GRAP: variants seen among roughly 807,000 people sequenced by gnomAD.
The protein encoded by GRAP is GRB2 related adaptor protein.
Under a neutral mutation model 9.1 loss-of-function variants are expected in GRAP, and 2 were observed. That is an observed-to-expected ratio of 0.22 (90% CI 0.09 to 0.69). The LOEUF is 0.69. Among genes scored for constraint, GRAP ranks in the 30% least tolerant of loss-of-function variants. The pLI is 0.81. For synonymous variants in GRAP, 68 were observed against 73.6 expected (o/e 0.92, Z 0.39); for missense variants, 113 against 179.4 (o/e 0.63, Z 2.12).
rs767524784 is a variant in GRAP at position 19,022,023 on chromosome 17, C to T, written c.590G>A (p.Arg197Gln). The T allele has an allele frequency of 1.3e-5, 21 of 1,599,176 alleles. No individual in the cohort carries two copies. Among genetic ancestry groups the T allele is most frequent in the South Asian group, 6.7e-5 (6 of 88,992 alleles). The change falls in exon 5 of 5, where the codon CGG becomes CAG. Residue 197 changes from arginine (R) to glutamine (Q), a missense_variant. Physicochemically the swap from Arg to Gln is conservative, Grantham distance 43. This residue lies in a region of GRAP where 113 missense variants were observed against 163.3 expected (regional missense o/e 0.69). Transcript: ENST00000284154. ...VLERPDPHWW[R>Q]GRSCGRVGFF... ...GCCAACGCGCCCGCAGGACCGGCCCCGCCACCAGTGGGGGTCTGGGCGCTC... is the reference window on the plus strand; with the variant it reads ...GCCAACGCGCCCGCAGGACCGGCCCTGCCACCAGTGGGGGTCTGGGCGCTC...
At chr17:19,030,269 G>GCA in intron 3 of GRAP, 2 of 425,146 alleles carry the variant, frequency 4.7e-6, no homozygotes, top group South Asian at 1.7e-5. Flanking sequence ...CAGCAGCAAA[G>GCA]GTAACAGTGT....
intron 3 of GRAP, among the ~76,000 whole-genome samples, chr17:19,027,482 G>GCGCGCGCGCACA (rs2044317459): frequency 8.6e-6 from 1 of 115,984 alleles, no homozygotes; most frequent in African/African-American, 3.6e-5. Flanking sequence ...GCGCGCGCGC[G>GCGCGCGCGCACA]CGCACACACA....
rs2044266973 is a variant in GRAP at position 19,021,701 on chromosome 17, T to A, written c.*258A>T. ...GGCGGGGCCTCCACAGACTCCGCCC[T>A]GTGGTGTCACACAGCTGGCAGCCAA... is the stretch of plus-strand genomic sequence containing the variant. On this transcript the variant is annotated 3_prime_UTR_variant, in exon 5 of 5. Transcript: ENST00000284154. This position sits in a 1 kb window ranked among gnomAD's most constrained non-coding sequence, Gnocchi z 4.1. 1 of 404,322 alleles carries A rather than the reference T, an allele frequency of 2.5e-6. No individual in the cohort carries two copies. Among genetic ancestry groups the A allele is most frequent in the Middle Eastern group, 6.2e-4 (1 of 1,610 alleles). The allele number at this position is 404,322 out of a possible 1,614,324, so 25.0% of individuals were successfully genotyped here.
At chr17:19,037,177 CA>C (rs1279577308) in intron 2 of GRAP, among the ~76,000 whole-genome samples, 1 of 368 alleles carries the variant, frequency 2.7e-3, no homozygotes, top group Non-Finnish European at 4.3e-3. Flanking sequence ...CCGCACCCGG[CA>C]AAAAAAAAAA....
chr17:19,051,318 T>TAGTG (rs1357044610), upstream of GRAP, among the ~76,000 whole-genome samples: 8 of 52,292 alleles, frequency 1.5e-4, no homozygotes, highest in African/African-American at 3.8e-4. Flanking sequence ...TTCAAGGTGA[T>TAGTG]AGTGAGCTAT....
At chr17:19,023,439 C>T (rs1024250705) in intron 4 of GRAP, among the ~76,000 whole-genome samples, 2 of 152,180 alleles carry the variant, frequency 1.3e-5, no homozygotes, top group African/African-American at 2.4e-5. Flanking sequence ...TCAAGTGTCC[C>T]AGGGTCTTGA....
At position 19,021,954 on chromosome 17, in the gene GRAP, G is replaced by T; in HGVS notation, c.*5C>A. ...GCCCGTTGGCCAGATCGGCCGCCGG[G>T]CTGCTCACAGGTGCACGGGCTGCAC... On this transcript the variant is annotated 3_prime_UTR_variant, in exon 5 of 5. Coordinates refer to ENST00000284154, the MANE Select transcript of GRAP (RefSeq NM_006613.4). This position sits in a 1 kb window ranked among gnomAD's most constrained non-coding sequence, Gnocchi z 4.1. 1 of 1,519,754 alleles carries T rather than the reference G, an allele frequency of 6.6e-7. No individual in the cohort carries two copies. Among genetic ancestry groups the T allele is most frequent in the Non-Finnish European group, 8.8e-7 (1 of 1,135,082 alleles). The allele number at this position is 1,519,754 out of a possible 1,614,324, so 94.1% of individuals were successfully genotyped here. A position where few individuals can be genotyped will look rare whatever the true frequency, so the allele number is the denominator to read the frequency against.
At chr17:19,032,174 T>TC (rs11422258) in intron 3 of GRAP, 8,877 of 147,298 alleles carry the variant, frequency 0.06, 29 homozygotes, top group African/African-American at 0.22. Context: ...ACCCCTCGCT[T>TC]CCCCACCTCT....
In GRAP at chr17:19,043,566, C is replaced by T. The variant is rs549571602; in HGVS notation, c.79-1662G>A. Among the ~76,000 whole-genome samples, 8 of 152,292 alleles carry T rather than the reference C, an allele frequency of 5.3e-5. No individual in the cohort carries two copies. The South Asian group carries it at 1.7e-3, about 32-fold the overall frequency. ...ATCACTTGAACCCGGGAGCTGGAGGCTGCAGTGAGCCGAGATCGCGCCATT... is the reference window on the plus strand; with the variant it reads ...ATCACTTGAACCCGGGAGCTGGAGGTTGCAGTGAGCCGAGATCGCGCCATT... On this transcript the variant is annotated intron_variant, in intron 1 of 4. Coordinates refer to ENST00000284154, the MANE Select transcript of GRAP (RefSeq NM_006613.4).
At chr17:19,027,463 G>A (rs1213490590) in intron 3 of GRAP, among the ~76,000 whole-genome samples, 1 of 127,060 alleles carries the variant, frequency 7.9e-6, no homozygotes, top group Non-Finnish European at 1.6e-5. Flanking sequence ...GCCTTGATGG[G>A]ACACATGCGC....
rs747053384 is a variant in GRAP, at chr17:19,024,250, G to C, written c.433C>G (p.Gln145Glu). The C allele has an allele frequency of 3.7e-6, 6 of 1,602,064 alleles. No homozygotes were observed. In the South Asian group the frequency reaches 5.6e-5, roughly 15 times the overall value. ...YRTTTIAKKR[Q>E]IFLRDEEPLL... Reference sequence around the variant, plus strand: ...GGCTCCTCGTCGCGCAGGAAGATCTGCCGCTTCTTGGCGATGGTGGTGGTG... The same window carrying C: ...GGCTCCTCGTCGCGCAGGAAGATCTCCCGCTTCTTGGCGATGGTGGTGGTG... The change falls in exon 4 of 5, where the codon CAG (glutamine) becomes GAG (glutamate). Residue 145 changes from glutamine (Q) to glutamate (E), a missense_variant. Gln to Glu is a conservative substitution (Grantham distance 29). This residue lies in a region of GRAP where 113 missense variants were observed against 163.3 expected (regional missense o/e 0.69). Coordinates refer to ENST00000284154, the MANE Select transcript of GRAP (RefSeq NM_006613.4). This position sits in a 1 kb window ranked among gnomAD's most constrained non-coding sequence, Gnocchi z 4.2.
Position 19,024,132 on chromosome 17 carries a change from G to A in GRAP, c.468+83C>T. 1 of 1,346,108 alleles carries A rather than the reference G, an allele frequency of 7.4e-7. No homozygotes were observed. The highest frequency in any genetic ancestry group is 1.3e-5 in the South Asian group (1 of 75,896). 83.4% of individuals were successfully genotyped at this position (1,346,108 alleles called of 1,614,324 possible). On this transcript the variant is annotated intron_variant, in intron 4 of 4. Transcript: ENST00000284154. The surrounding 1 kb of genome is among the most constrained non-coding windows in gnomAD (Gnocchi z 4.2). ...GGGAAGTGAGACCAGGCCCGTGCTT[G>A]GCCTCAGTGTCAGCATCTCCCCTGC... is the stretch of plus-strand genomic sequence containing the variant.
intron 4 of GRAP, 53 bp from the exon 5 acceptor site, chr17:19,022,197 C>T: frequency 9.3e-7 from 1 of 1,076,960 alleles, no homozygotes; most frequent in African/African-American, 1.7e-5. Context: ...CTGCAACCCA[C>T]CCTCCCTCAG....
chr17:19,024,253 G>C lies in GRAP; in HGVS notation c.430C>G (p.Arg144Gly), dbSNP rs1377276908. ...FYRTTTIAKK[R>G]QIFLRDEEPL... ...TCCTCGTCGCGCAGGAAGATCTGCC[G>C]CTTCTTGGCGATGGTGGTGGTGCGG... The change falls in exon 4 of 5, where the codon CGG becomes GGG. Residue 144 changes from arginine (R) to glycine (G), a missense_variant. Around this residue, in one of 2 missense-constraint regions of GRAP, gnomAD observed 113 missense variants for 163.3 expected, o/e 0.69. Coordinates refer to ENST00000284154, the MANE Select transcript of GRAP (RefSeq NM_006613.4). This position sits in a 1 kb window ranked among gnomAD's most constrained non-coding sequence, Gnocchi z 4.2. The C allele has an allele frequency of 6.2e-7, 1 of 1,602,884 alleles. No individual in the cohort carries two copies.
intron 4 of GRAP, among the ~76,000 whole-genome samples, chr17:19,023,629 C>T (rs1372768195): frequency 2.2e-5 from 3 of 137,184 alleles, no homozygotes; most frequent in Non-Finnish European, 3.2e-5. Context: ...TGGATGACCC[C>T]GACCCCCCAC....
At chr17:19,048,099 C>T (rs2044382983), upstream of GRAP, among the ~76,000 whole-genome samples, 1 of 100,962 alleles carries the variant, frequency 9.9e-6, no homozygotes, top group Admixed American at 1.1e-4. Flanking sequence ...CTCAAGCGAT[C>T]CTCCTGCCTG....
In GRAP at chr17:19,022,134, GC is replaced by G. The variant is rs751738129; in HGVS notation, c.478del (p.Ala160ProfsTer103). ...DEEPLLKSPG[A>X]CFAQAQFDFS... ...GTCAAACTGGGCCTGGGCAAAGCAGGCCCCAGGTGACTGCAAGAAGAGGAGG... is the reference window on the plus strand; with the variant it reads ...GTCAAACTGGGCCTGGGCAAAGCAGGCCCAGGTGACTGCAAGAAGAGGAGG... On this transcript the variant is annotated frameshift_variant, in exon 5 of 5. Transcript: ENST00000284154. LOFTEE classifies it low-confidence loss of function (END_TRUNC). 8 of 1,496,198 alleles carry G rather than the reference GC, an allele frequency of 5.3e-6. No homozygotes were observed. In the South Asian group the frequency reaches 6.6e-5, roughly 12 times the overall value. The allele number at this position is 1,496,198 out of a possible 1,614,324, so 92.7% of individuals were successfully genotyped here. A position where few individuals can be genotyped will look rare whatever the true frequency, so the allele number is the denominator to read the frequency against.
At position 19,044,056 on chromosome 17, in the gene GRAP, C is replaced by CTGAGGATTCAGGCTGAG. The variant is rs1211893518; in HGVS notation, c.79-2153_79-2152insCTCAGCCTGAATCCTCA. ...GCAACCTCTGCCTCCTGGGTTCAAG[C>CTGAGGATTCAGGCTGAG]GATTCTCCTGCCTCAGCCTCCCGAG... On this transcript the variant is annotated intron_variant, in intron 1 of 4. Coordinates refer to ENST00000284154, the MANE Select transcript of GRAP (RefSeq NM_006613.4). Among the ~76,000 whole-genome samples, 3 of 66,808 alleles carry CTGAGGATTCAGGCTGAG rather than the reference C, an allele frequency of 4.5e-5. 1 individual carries two copies. Among genetic ancestry groups the CTGAGGATTCAGGCTGAG allele is most frequent in the Admixed American group, 3.3e-4 (2 of 6,060 alleles). The allele number at this position is 66,808 out of a possible 152,430, so 43.8% of individuals were successfully genotyped here.
At position 19,021,897 on chromosome 17, in the gene GRAP, T is replaced by C. The variant is rs1390975823; in HGVS notation, c.*62A>G. On this transcript the variant is annotated 3_prime_UTR_variant, in exon 5 of 5. Coordinates refer to ENST00000284154, the MANE Select transcript of GRAP (RefSeq NM_006613.4). This position sits in a 1 kb window ranked among gnomAD's most constrained non-coding sequence, Gnocchi z 4.1. ...ACTCTGACAGAGCTGGGGGTGTCCATGTCCTCTCTGGACCTCAGTTCCTGT... is the reference window on the plus strand; with the variant it reads ...ACTCTGACAGAGCTGGGGGTGTCCACGTCCTCTCTGGACCTCAGTTCCTGT... 3.5e-6 allele frequency: 5 copies of C among 1,422,610 alleles called. No individual in the cohort carries two copies. In the Admixed American group the frequency reaches 8.9e-5, roughly 25 times the overall value. The allele number at this position is 1,422,610 out of a possible 1,614,324, so 88.1% of individuals were successfully genotyped here. A position where few individuals can be genotyped will look rare whatever the true frequency, so the allele number is the denominator to read the frequency against.
Sources: gnomAD v4.1 joint callset for allele counts (sites outside exome capture counted in the v4.1 genomes callset) on GRCh38, gnomAD v4.1.1 for gene constraint, gnomAD v4.1.1 regional missense constraint, Gnocchi (gnomAD v3.1) non-coding constraint, MANE v1.5 for transcripts, NCBI Gene and HGNC (gene_info 2026-07-23, HGNC 2026-07-21) for gene names.